Variants in RESF1 observed in about 807,000 individuals in gnomAD.
The protein encoded by RESF1 is gonad expressed transcript.
A neutral mutation model predicts 134.7 loss-of-function variants in RESF1; 65 were observed. The observed-to-expected ratio is 0.48, with a 90% CI of 0.40 to 0.59. The LOEUF (loss-of-function observed/expected upper bound fraction) is 0.59, where lower values mean the gene tolerates loss of function less well. RESF1 is among the 20% of genes least tolerant of loss of function. The probability of loss-of-function intolerance (pLI) is 0.00; values close to 1 mark genes in which losing one functional copy is unlikely to be tolerated. For synonymous variants in RESF1, 762 were observed against 702.2 expected (o/e 1.09, Z -1.35); for missense variants, 2,274 against 2,002.7 (o/e 1.14, Z -2.59).
At chr12:31,959,550 G>T (rs1015744143) in intron 1 of RESF1, 59 bp downstream of exon 1, 1 of 152,378 alleles carries the variant, frequency 6.6e-6, no homozygotes, top group Non-Finnish European at 1.5e-5. Flanking sequence ...GGCGGGGCGG[G>T]GGCCGGGAGC....
Position 31,992,252 on chromosome 12 carries a change from C to A in RESF1, c.5087-126C>A, listed in dbSNP as rs1940107513. On this transcript the variant is annotated intron_variant, in intron 5 of 5. Transcript: ENST00000312561. The stretch of plus-strand genomic sequence containing the variant: ...TAAGTGAAGAGCTATGGTTCTGAAA[C>A]TTTTGCTTAACTCCTTGCCTTAATT... 1.0e-5 allele frequency: 8 copies of A among 781,082 alleles called. No individual in the cohort carries two copies. The South Asian group carries it at 1.2e-4, about 12-fold the overall frequency. 48.4% of individuals were successfully genotyped at this position (781,082 alleles called of 1,614,324 possible).
chr12:31,983,889 C>A lies in RESF1; in HGVS notation c.2934C>A (p.Pro978=). Residue 978 remains proline, a synonymous_variant, in exon 4 of 6, where the codon CCC becomes CCA. Transcript: ENST00000312561. ...GTGATCAGTCAAAGTCAGAGCCACCCTTAGAGTCATCTTTTAACAATCTTG... is the reference window on the plus strand; with the variant it reads ...GTGATCAGTCAAAGTCAGAGCCACCATTAGAGTCATCTTTTAACAATCTTG... The part of the protein sequence containing the change: ...KICDQSKSEP[P]LESSFNNLET... 1 of 1,613,798 alleles carries A rather than the reference C, an allele frequency of 6.2e-7. No homozygotes were observed. The highest frequency in any genetic ancestry group is 8.5e-7 in the Non-Finnish European group (1 of 1,180,018).
rs138395042 is a variant in RESF1, at chr12:31,984,778, G to A, written c.3823G>A (p.Val1275Ile). ...KSLPRTEQEL[V>I]AGQFSSKCDK... Reference sequence around the variant, plus strand: ...CTTACCAAGGACAGAACAAGAATTAGTTGCTGGTCAGTTTTCATCTAAATG... The same window carrying A: ...CTTACCAAGGACAGAACAAGAATTAATTGCTGGTCAGTTTTCATCTAAATG... Residue 1275 changes from valine (V) to isoleucine (I), a missense_variant, in exon 4 of 6, where the codon GTT (valine) becomes ATT (isoleucine). Transcript: ENST00000312561. The A allele has an allele frequency of 1.4e-5, 23 of 1,611,850 alleles. No individual in the cohort carries two copies. Among genetic ancestry groups the A allele is most frequent in the Non-Finnish European group, 1.7e-5 (20 of 1,179,628 alleles).
At chr12:31,990,719 G>A (rs542958719) in intron 5 of RESF1, among the ~76,000 whole-genome samples, 1 of 152,300 alleles carries the variant, frequency 6.6e-6, no homozygotes, top group African/African-American at 2.4e-5. Flanking sequence ...GATTACAGGT[G>A]TGAGCCACTG....
intron 2 of RESF1, among the ~76,000 whole-genome samples, chr12:31,965,301 T>A (rs1939373983): frequency 6.6e-6 from 1 of 152,208 alleles, no homozygotes; most frequent in Admixed American, 6.5e-5. Flanking sequence ...TCAAAGTTGC[T>A]GAGTGGCAGT....
chr12:31,984,974 T>C lies in RESF1; in HGVS notation c.4019T>C (p.Phe1340Ser), dbSNP rs141549618. The change falls in exon 4 of 6, where the codon TTT becomes TCT. Residue 1340 changes from phenylalanine (F) to serine (S), a missense_variant. By Grantham distance (155) the Phe-to-Ser change is radical (BLOSUM62 -2). Transcript: ENST00000312561. Reference sequence around the variant, plus strand: ...CGTCCACTAAAAACAAAAACAGCTTTTTTGCCAAATAAAGATGTGTATAAG... The same window carrying C: ...CGTCCACTAAAAACAAAAACAGCTTCTTTGCCAAATAAAGATGTGTATAAG... Reference protein sequence around the residue: ...NSRPLKTKTAFLPNKDVYKKH... With the variant: ...NSRPLKTKTASLPNKDVYKKH... The C allele has an allele frequency of 2.5e-6, 4 of 1,613,038 alleles. No individual in the cohort carries two copies. Among genetic ancestry groups the C allele is most frequent in the Middle Eastern group, 3.3e-4 (2 of 6,060 alleles).
rs10665492 is a variant in RESF1 at position 31,965,889 on chromosome 12, CA to C, written c.-246-4282del. ...CTGGTGACAGAGCGAGACTTCGTCT[CA>C]AAAAAAAAAAAAAAAAAGAAGTGAT... On this transcript the variant is annotated intron_variant, in intron 2 of 5. Coordinates refer to ENST00000312561, the MANE Select transcript of RESF1 (RefSeq NM_018169.4). Among the ~76,000 whole-genome samples the C allele has an allele frequency of 9.4e-3, 1,073 of 114,006 alleles. 9 individuals are homozygous for C. Among genetic ancestry groups the C allele is most frequent in the African/African-American group, 0.024 (711 of 29,934 alleles). 74.8% of individuals were successfully genotyped at this position (114,006 alleles called of 152,430 possible). A position where few individuals can be genotyped will look rare whatever the true frequency, so the allele number is the denominator to read the frequency against.
At position 31,982,781 on chromosome 12, in the gene RESF1, C is replaced by A; in HGVS notation, c.1826C>A (p.Ser609Tyr). ...GATGCTAATCAAACTATTCAGGATTCTAAACCAGACAGTTGTGAAATGAAT... is the reference window on the plus strand; with the variant it reads ...GATGCTAATCAAACTATTCAGGATTATAAACCAGACAGTTGTGAAATGAAT... ...LKDANQTIQDSKPDSCEMNPN... is the reference protein window; with the variant it reads ...LKDANQTIQDYKPDSCEMNPN... The change falls in exon 4 of 6, where the codon TCT becomes TAT. Residue 609 changes from serine (S) to tyrosine (Y), a missense_variant. Physicochemically the swap from Ser to Tyr is moderately radical, Grantham distance 144 (BLOSUM62 -2). Coordinates refer to ENST00000312561, the MANE Select transcript of RESF1 (RefSeq NM_018169.4). 6.2e-7 allele frequency: 1 copy of A among 1,614,110 alleles called. No homozygotes were observed. The highest frequency in any genetic ancestry group is 8.5e-7 in the Non-Finnish European group (1 of 1,180,000).
chr12:31,975,450 G>T (rs893986552), intron 3 of RESF1, among the ~76,000 whole-genome samples: 1 of 152,078 alleles, frequency 6.6e-6, no homozygotes, highest in East Asian at 1.9e-4. Context: ...TGGGTCTTAC[G>T]GGTTTTGATA....
At chr12:31,986,933 A>G (rs1229693479) in intron 4 of RESF1, among the ~76,000 whole-genome samples, 4 of 152,202 alleles carry the variant, frequency 2.6e-5, no homozygotes, top group Non-Finnish European at 5.9e-5. Context: ...TAATGGGAAC[A>G]TTGGAAGTGG....
intron 3 of RESF1, among the ~76,000 whole-genome samples, chr12:31,978,572 G>T (rs1246440665): frequency 6.6e-6 from 1 of 151,554 alleles, no homozygotes; most frequent in Non-Finnish European, 1.5e-5. Context: ...TTTGAGACGG[G>T]CTCTCGCTCT....
Position 31,982,691 on chromosome 12 carries a change from A to T in RESF1, c.1736A>T (p.Asn579Ile). The T allele has an allele frequency of 6.2e-7, 1 of 1,614,042 alleles. No homozygotes were observed. Among genetic ancestry groups the T allele is most frequent in the Non-Finnish European group, 8.5e-7 (1 of 1,179,942 alleles). ...GAGGAATATAAATCAAAAATTCAAA[A>T]TGAAAATATGCTACTTCTCGCTTTG... ...STEEYKSKIQ[N>I]ENMLLLALLS... Residue 579 changes from asparagine to isoleucine, a missense_variant, in exon 4 of 6, where the codon AAT becomes ATT. Coordinates refer to ENST00000312561, the MANE Select transcript of RESF1 (RefSeq NM_018169.4).
chr12:31,969,595 C>G (rs536999265), intron 2 of RESF1, among the ~76,000 whole-genome samples: 1 of 152,178 alleles, frequency 6.6e-6, no homozygotes. Context: ...CAGACCTGGC[C>G]ACCATGCCAT....
In RESF1 at chr12:31,981,634, C is replaced by G. The variant is rs1399355945; in HGVS notation, c.679C>G (p.Pro227Ala). The G allele has an allele frequency of 6.2e-7, 1 of 1,614,046 alleles. No individual in the cohort carries two copies. Among genetic ancestry groups the G allele is most frequent in the African/African-American group, 1.3e-5 (1 of 75,028 alleles). Residue 227 changes from proline (P) to alanine (A), a missense_variant, in exon 4 of 6, where the codon CCA becomes GCA. Pro to Ala is a conservative substitution (Grantham distance 27). Transcript: ENST00000312561. ...CCGTTACTCACCACAAAGCTTTTTACCAGATTCTACCATTCAAAAACAAAA... is the reference window on the plus strand; with the variant it reads ...CCGTTACTCACCACAAAGCTTTTTAGCAGATTCTACCATTCAAAAACAAAA... ...LYRYSPQSFL[P>A]DSTIQKQNFI... is the part of the protein sequence containing the mutation.
chr12:31,985,269 T>TA lies in RESF1; in HGVS notation c.4317dup (p.Phe1440IlefsTer2). 1 of 1,611,946 alleles carries TA rather than the reference T, an allele frequency of 6.2e-7. No homozygotes were observed. The highest frequency in any genetic ancestry group is 8.5e-7 in the Non-Finnish European group (1 of 1,179,544). ...CTGTAGACACGAAAGCGAGTTCATCTAAATTTAGTAGAATTCTAACTCCTA... is the reference window on the plus strand; with the variant it reads ...CTGTAGACACGAAAGCGAGTTCATCTAAAATTTAGTAGAATTCTAACTCCTA... On this transcript the variant is annotated frameshift_variant, in exon 4 of 6. Coordinates refer to ENST00000312561, the MANE Select transcript of RESF1 (RefSeq NM_018169.4). LOFTEE classifies it high-confidence loss of function.
rs368742221 is a variant in RESF1, at chr12:31,981,771, A to G, written c.816A>G (p.Gln272=). Residue 272 remains glutamine, a synonymous_variant, in exon 4 of 6, where the codon CAA becomes CAG. Transcript: ENST00000312561. ...TACCATCACAGCAGTATGCCACGCA[A>G]ACTGACAAAAGACCTCCTCCTCCTC... ...SAVPSQQYAT[Q]TDKRPPPPPY... The G allele has an allele frequency of 4.0e-5, 65 of 1,613,748 alleles. No homozygotes were observed. Among genetic ancestry groups the G allele is most frequent in the Non-Finnish European group, 5.3e-5 (62 of 1,179,996 alleles).
rs1327763462 is a variant in RESF1, at chr12:31,983,840, G to A, written c.2885G>A (p.Cys962Tyr). 1 of 1,613,130 alleles carries A rather than the reference G, an allele frequency of 6.2e-7. No individual in the cohort carries two copies. The highest frequency in any genetic ancestry group is 8.5e-7 in the Non-Finnish European group (1 of 1,180,016). Residue 962 changes from cysteine to tyrosine, a missense_variant, in exon 4 of 6, where the codon TGC becomes TAC. By Grantham distance (194) the Cys-to-Tyr change is radical. Coordinates refer to ENST00000312561, the MANE Select transcript of RESF1 (RefSeq NM_018169.4). The part of the protein sequence containing the change: ...FGFQKDKPVQ[C>Y]TDVSHKICDQ... ...TTTCAAAAAGATAAACCTGTACAGTGCACAGATGTTTCACATAAAATATGT... is the reference window on the plus strand; with the variant it reads ...TTTCAAAAAGATAAACCTGTACAGTACACAGATGTTTCACATAAAATATGT...
intron 2 of RESF1, among the ~76,000 whole-genome samples, chr12:31,969,745 G>A (rs982240149): frequency 3.9e-5 from 6 of 152,068 alleles, no homozygotes; most frequent in African/African-American, 1.4e-4. Flanking sequence ...TTCATCCAAT[G>A]CCTCAGCCCC....
Position 31,987,223 on chromosome 12 carries a change from AT to A in RESF1, c.5003-15del, listed in dbSNP as rs1939993564. ...ATTAGCAATATCTAGAGTTCTGAAAATGAATATTTAAATAGTTTCAGGAATA... is the reference window on the plus strand; with the variant it reads ...ATTAGCAATATCTAGAGTTCTGAAAAGAATATTTAAATAGTTTCAGGAATA... On this transcript the variant is annotated splice_polypyrimidine_tract_variant and intron_variant, in intron 4 of 5. Transcript: ENST00000312561. 2 of 1,361,442 alleles carry A rather than the reference AT, an allele frequency of 1.5e-6. No homozygotes were observed. Among genetic ancestry groups the A allele is most frequent in the South Asian group, 2.4e-5 (2 of 84,690 alleles). The allele number at this position is 1,361,442 out of a possible 1,614,324, so 84.3% of individuals were successfully genotyped here. A position where few individuals can be genotyped will look rare whatever the true frequency, so the allele number is the denominator to read the frequency against.
Sources: allele counts gnomAD v4.1 joint callset (sites outside exome capture counted in the v4.1 genomes callset), GRCh38; gene constraint gnomAD v4.1.1; transcripts MANE v1.5; gene names NCBI Gene and HGNC (gene_info 2026-07-23, HGNC 2026-07-21).